Variants in CDH13 observed in about 807,000 individuals in gnomAD.
CDH13 encodes the protein cadherin-13.
In CDH13, 24 loss-of-function variants were observed where a neutral mutation model predicts 63.8. That is an observed-to-expected ratio of 0.38 (90% CI 0.27 to 0.53). The LOEUF is 0.53. Among genes scored for constraint, CDH13 ranks in the 20% least tolerant of loss-of-function variants. The probability of loss-of-function intolerance (pLI) is 0.85; values close to 1 mark genes in which losing one functional copy is unlikely to be tolerated. For missense variants in CDH13, 1,049 were observed against 903.1 expected, an observed-to-expected ratio of 1.16 and a Z score of -2.07; for synonymous variants, 503 against 355.3, an observed-to-expected ratio of 1.42 and a Z score of -4.67.
At chr16:83,472,868 A>G (rs370186815) in intron 6 of CDH13, among the ~76,000 whole-genome samples, 3 of 152,144 alleles carry the variant, frequency 2.0e-5, no homozygotes, top group Admixed American at 6.5e-5. Flanking sequence ...TCAAATGTGC[A>G]TTGTTAAGTT....
At chr16:83,478,729 C>T (rs1375390177) in intron 6 of CDH13, among the ~76,000 whole-genome samples, 1 of 152,016 alleles carries the variant, frequency 6.6e-6, no homozygotes, top group Admixed American at 6.6e-5. Context: ...GCAGTTCCAT[C>T]CTCCTACCCT....
At chr16:83,739,587 T>G (rs557039491) in intron 10 of CDH13, among the ~76,000 whole-genome samples, 6 of 152,166 alleles carry the variant, frequency 3.9e-5, no homozygotes, top group Non-Finnish European at 7.3e-5. Flanking sequence ...AAGCCCCCTT[T>G]GACAGCATGT....
At chr16:83,314,208 C>A (rs1033019412) in intron 5 of CDH13, among the ~76,000 whole-genome samples, 1 of 152,100 alleles carries the variant, frequency 6.6e-6, no homozygotes, top group African/African-American at 2.4e-5. Context: ...GGGAAACGGA[C>A]AATCTATAAT....
chr16:83,658,760 G>T (rs1913139211), intron 8 of CDH13, among the ~76,000 whole-genome samples: 2 of 144,484 alleles, frequency 1.4e-5, no homozygotes, highest in Non-Finnish European at 3.0e-5. Flanking sequence ...CACCAGCAAG[G>T]TCCCATATCC....
chr16:82,734,792 G>T (rs1402528802), intron 1 of CDH13, among the ~76,000 whole-genome samples: 1 of 152,014 alleles, frequency 6.6e-6, no homozygotes, highest in Non-Finnish European at 1.5e-5. Context: ...ATTGAATATA[G>T]GTCTTTCAAT....
At position 83,047,063 on chromosome 16, in the gene CDH13, C is replaced by G. The variant is rs1366613264; in HGVS notation, c.366+14845C>G. Among the ~76,000 whole-genome samples the G allele has an allele frequency of 2.0e-5, 3 of 152,296 alleles. No homozygotes were observed. Among genetic ancestry groups the G allele is most frequent in the African/African-American group, 7.2e-5 (3 of 41,564 alleles). On this transcript the variant is annotated intron_variant, in intron 3 of 13. Coordinates refer to ENST00000567109, the MANE Select transcript of CDH13 (RefSeq NM_001257.5). The surrounding 1 kb of genome is among the most constrained non-coding windows in gnomAD (Gnocchi z 4.9). Reference sequence around the variant, plus strand: ...CTGTCAACCAACCCCTTCATCGAGTCAGGCAAATTAGGATTCCTTTGACAG... The same window carrying G: ...CTGTCAACCAACCCCTTCATCGAGTGAGGCAAATTAGGATTCCTTTGACAG...
intron 3 of CDH13, among the ~76,000 whole-genome samples, chr16:83,044,010 A>G (rs944382565): frequency 6.6e-6 from 1 of 152,212 alleles, no homozygotes; most frequent in East Asian, 1.9e-4. Flanking sequence ...ATTAGATAGG[A>G]TGCTCTACAG....
intron 2 of CDH13, among the ~76,000 whole-genome samples, chr16:82,976,116 T>C (rs1185085303): frequency 6.6e-6 from 1 of 152,190 alleles, no homozygotes; most frequent in Non-Finnish European, 1.5e-5. Flanking sequence ...GAAAAGTATT[T>C]TTCAAGATAA....
In CDH13 at chr16:83,376,982, T is replaced by G. The variant is rs867204496; in HGVS notation, c.781+31976T>G. On this transcript the variant is annotated intron_variant, in intron 6 of 13. Transcript: ENST00000567109. The stretch of plus-strand genomic sequence containing the variant: ...ATGCTCAAGCTATATGAAAGGGCCT[T>G]GAAGGATGACATACTGTATGAACAG... Among the ~76,000 whole-genome samples, 3 of 152,160 alleles carry G rather than the reference T, an allele frequency of 2.0e-5. No homozygotes were observed. The East Asian group carries it at 5.8e-4, about 29-fold the overall frequency.
intron 6 of CDH13, among the ~76,000 whole-genome samples, chr16:83,459,045 C>G (rs1324421959): frequency 5.3e-5 from 8 of 152,120 alleles, no homozygotes; most frequent in Non-Finnish European, 1.2e-4. Context: ...ACTTGTTTTC[C>G]TCTATGACTA....
rs538404821 is a variant in CDH13, at chr16:82,831,745, A to G, written c.46-26617A>G. On this transcript the variant is annotated intron_variant, in intron 1 of 13. Coordinates refer to ENST00000567109, the MANE Select transcript of CDH13 (RefSeq NM_001257.5). The stretch of plus-strand genomic sequence containing the variant: ...CCATGGGGCCAGGATTGTGAAGTCA[A>G]TCTTCCTAATGATTAATGGAATTTC... Among the ~76,000 whole-genome samples the G allele has an allele frequency of 2.1e-4, 32 of 152,254 alleles. 1 individual carries two copies. The highest frequency in any genetic ancestry group is 4.6e-4 in the Admixed American group (7 of 15,286).
chr16:82,843,868 C>A (rs1232154477), intron 1 of CDH13, among the ~76,000 whole-genome samples: 1 of 152,244 alleles, frequency 6.6e-6, no homozygotes, highest in Non-Finnish European at 1.5e-5. Context: ...AGGCCTGGCT[C>A]TGTGACTATG....
chr16:83,259,263 G>C (rs1325054137), intron 5 of CDH13, among the ~76,000 whole-genome samples: 1 of 152,160 alleles, frequency 6.6e-6, no homozygotes, highest in Non-Finnish European at 1.5e-5. Flanking sequence ...GAGCTAATGA[G>C]AATCTGGTAT....
chr16:82,869,346 A>T (rs958508492), intron 2 of CDH13, among the ~76,000 whole-genome samples: 44 of 146,240 alleles, frequency 3.0e-4, no homozygotes, highest in Non-Finnish European at 6.0e-5. Flanking sequence ...CTCAGCGGGA[A>T]TTTTTTTTTT....
At chr16:82,931,380 C>A (rs2042485588) in intron 2 of CDH13, among the ~76,000 whole-genome samples, 1 of 152,158 alleles carries the variant, frequency 6.6e-6, no homozygotes, top group Admixed American at 6.5e-5. Context: ...CACATCTGTT[C>A]CAGAAAGACT....
intron 4 of CDH13, among the ~76,000 whole-genome samples, chr16:83,183,372 G>C (rs1423024955): frequency 6.6e-6 from 1 of 152,168 alleles, no homozygotes; most frequent in African/African-American, 2.4e-5. Context: ...TTCTTGCTAT[G>C]ACCTTCCACG....
intron 8 of CDH13, among the ~76,000 whole-genome samples, chr16:83,666,394 T>C (rs1229454083): frequency 6.6e-6 from 1 of 152,248 alleles, no homozygotes. Context: ...ATAATGGGCT[T>C]AACAAATACT....
At chr16:82,918,357 T>G (rs1379628793) in intron 2 of CDH13, among the ~76,000 whole-genome samples, 1 of 152,192 alleles carries the variant, frequency 6.6e-6, no homozygotes, top group African/African-American at 2.4e-5. Context: ...CACCAGTTTC[T>G]GTGATTTTTT....
chr16:83,180,930 A>C (rs1165475084), intron 4 of CDH13: 2 of 1,532,414 alleles, frequency 1.3e-6, no homozygotes, highest in Non-Finnish European at 1.7e-6. Flanking sequence ...AGCAGATTTA[A>C]ATCCATGCAT....
Sources: allele counts gnomAD v4.1 joint callset (sites outside exome capture counted in the v4.1 genomes callset), GRCh38; gene constraint gnomAD v4.1.1; non-coding constraint Gnocchi (gnomAD v3.1); transcripts MANE v1.5; gene names NCBI Gene and HGNC (gene_info 2026-07-23, HGNC 2026-07-21).